The following CUX2 variants were observed in gnomAD, a reference collection of about 807,000 sequenced individuals.
The protein encoded by CUX2 is homeobox protein cut-like 2.
CUX2 carries 40 observed loss-of-function variants against 144.8 expected under a neutral mutation model. The observed-to-expected ratio is 0.28, with a 90% CI of 0.21 to 0.36. The LOEUF (loss-of-function observed/expected upper bound fraction) is 0.36. CUX2 is among the 10% of genes least tolerant of loss of function. The pLI is 1.00. For missense variants in CUX2, 1,615 were observed against 1,994.0 expected, an observed-to-expected ratio of 0.81 and a Z score of 3.62; for synonymous variants, 827 against 875.6, an observed-to-expected ratio of 0.94 and a Z score of 0.98.
At chr12:111,201,980 G>C (rs932789798) in intron 1 of CUX2, among the ~76,000 whole-genome samples, 2 of 152,156 alleles carry the variant, frequency 1.3e-5, no homozygotes, top group Non-Finnish European at 2.9e-5. Flanking sequence ...TAGGAACACA[G>C]ACCTCCCAGA....
chr12:111,142,870 C>G (rs139003005), intron 1 of CUX2, among the ~76,000 whole-genome samples: 167 of 152,170 alleles, frequency 1.1e-3, no homozygotes, highest in Middle Eastern at 0.01. Context: ...GCAGAGAGAG[C>G]CCAGGGTCAA....
In CUX2 at chr12:111,277,808, G is replaced by A. The variant is rs968285642; in HGVS notation, c.302-13610G>A. Among the ~76,000 whole-genome samples the A allele has an allele frequency of 5.9e-5, 9 of 152,212 alleles. No individual in the cohort carries two copies. The highest frequency in any genetic ancestry group is 1.2e-4 in the Non-Finnish European group (8 of 68,044). Reference sequence around the variant, plus strand: ...GGACTCTTAGTCACCTGTCACGGCTGTAACAAATACCATGAGCTTAGAGGC... The same window carrying A: ...GGACTCTTAGTCACCTGTCACGGCTATAACAAATACCATGAGCTTAGAGGC... On this transcript the variant is annotated intron_variant, in intron 4 of 21. Coordinates refer to ENST00000261726, the MANE Select transcript of CUX2 (RefSeq NM_015267.4). The surrounding 1 kb of genome is among the most constrained non-coding windows in gnomAD (Gnocchi z 5.0).
At chr12:111,220,348 G>A (rs1274859687) in intron 3 of CUX2, among the ~76,000 whole-genome samples, 2 of 152,046 alleles carry the variant, frequency 1.3e-5, no homozygotes, top group East Asian at 3.8e-4. Context: ...GGTGTTGAAG[G>A]CTTTTTATCT....
rs538663091 is a variant in CUX2, at chr12:111,055,422, G to A, written c.63+21182G>A. ...CTGGAAGTCGCAATGAGGCGGCCCCGGCCCTCGGAGGATATCCTCTTCAGC... is the reference window on the plus strand; with the variant it reads ...CTGGAAGTCGCAATGAGGCGGCCCCAGCCCTCGGAGGATATCCTCTTCAGC... On this transcript the variant is annotated intron_variant, in intron 1 of 21. Coordinates refer to ENST00000261726, the MANE Select transcript of CUX2 (RefSeq NM_015267.4). Among the ~76,000 whole-genome samples the A allele has an allele frequency of 1.6e-3, 241 of 152,356 alleles. 2 individuals carry two copies. The highest frequency in any genetic ancestry group is 5.7e-3 in the African/African-American group (237 of 41,582).
At chr12:111,154,330 T>C (rs962955696) in intron 1 of CUX2, among the ~76,000 whole-genome samples, 4 of 152,080 alleles carry the variant, frequency 2.6e-5, no homozygotes, top group African/African-American at 9.7e-5. Flanking sequence ...GGAGCGAGAC[T>C]TCAGATCCGA....
At chr12:111,043,233 T>A (rs1016319799) in intron 1 of CUX2, among the ~76,000 whole-genome samples, 2 of 152,098 alleles carry the variant, frequency 1.3e-5, no homozygotes, top group African/African-American at 4.8e-5. Flanking sequence ...GGGGAGTAGA[T>A]TCCGAGACAG....
intron 17 of CUX2, among the ~76,000 whole-genome samples, chr12:111,321,685 A>C (rs1383721822): frequency 6.6e-6 from 1 of 152,048 alleles, no homozygotes; most frequent in Non-Finnish European, 1.5e-5. Context: ...TCATCCCCCC[A>C]AAAATAAATA....
At chr12:111,264,572 C>T (rs1325687820) in intron 4 of CUX2, among the ~76,000 whole-genome samples, 1 of 152,052 alleles carries the variant, frequency 6.6e-6, no homozygotes, top group African/African-American at 2.4e-5. Context: ...AGTAGAAATC[C>T]CATCTCTACT....
rs548773530 is a variant in CUX2, at chr12:111,059,489, A to G, written c.63+25249A>G. Reference sequence around the variant, plus strand: ...TGATTCCTGGACCATTTTGTTTTCTATGAGGGCCCCATTGATGCCTCAGTT... The same window carrying G: ...TGATTCCTGGACCATTTTGTTTTCTGTGAGGGCCCCATTGATGCCTCAGTT... On this transcript the variant is annotated intron_variant, in intron 1 of 21. Coordinates refer to ENST00000261726, the MANE Select transcript of CUX2 (RefSeq NM_015267.4). This position sits in a 1 kb window ranked among gnomAD's most constrained non-coding sequence, Gnocchi z 5.3. 6.6e-6 allele frequency among the ~76,000 whole-genome samples: 1 copy of G among 152,258 alleles called. No homozygotes were observed. Among genetic ancestry groups the G allele is most frequent in the Non-Finnish European group, 1.5e-5 (1 of 68,006 alleles).
chr12:111,334,909 A>C (rs1888280441), intron 19 of CUX2, among the ~76,000 whole-genome samples, 199 bp downstream of exon 19: 1 of 152,212 alleles, frequency 6.6e-6, no homozygotes, highest in African/African-American at 2.4e-5. Flanking sequence ...TATCTTAAAA[A>C]AGCTTTTTAA....
At chr12:111,248,743 C>T (rs921838805) in intron 3 of CUX2, among the ~76,000 whole-genome samples, 14 of 152,174 alleles carry the variant, frequency 9.2e-5, no homozygotes, top group African/African-American at 2.7e-4. Flanking sequence ...TCCCAACAGA[C>T]GGCTGACACC....
At chr12:111,245,721 A>C (rs1883249879) in intron 3 of CUX2, among the ~76,000 whole-genome samples, 1 of 152,118 alleles carries the variant, frequency 6.6e-6, no homozygotes, top group Non-Finnish European at 1.5e-5. Context: ...TGTCAGGTGC[A>C]AGGGGACAGG....
intron 14 of CUX2, among the ~76,000 whole-genome samples, chr12:111,308,931 GTCTC>G (rs1555214542): frequency 6.6e-6 from 1 of 152,056 alleles, no homozygotes; most frequent in African/African-American, 2.4e-5. Flanking sequence ...TTGAGACCGA[GTCTC>G]TCTCTGTCGC....
chr12:111,052,373 T>G (rs1870313769), intron 1 of CUX2, among the ~76,000 whole-genome samples: 6 of 152,046 alleles, frequency 3.9e-5, no homozygotes, highest in African/African-American at 9.7e-5. Context: ...ATAGAGCAGC[T>G]TGTCCCCAGA....
chr12:111,274,193 G>A (rs1379899182), intron 4 of CUX2, among the ~76,000 whole-genome samples: 1 of 152,156 alleles, frequency 6.6e-6, no homozygotes, highest in Non-Finnish European at 1.5e-5. Flanking sequence ...GCCTCCCAAA[G>A]TGCTGAGATT....
chr12:111,105,701 A>T (rs1170603291), intron 1 of CUX2, among the ~76,000 whole-genome samples: 1 of 152,180 alleles, frequency 6.6e-6, no homozygotes, highest in African/African-American at 2.4e-5. Context: ...GCTAGGTGGT[A>T]ACCTTGTGCA....
chr12:111,325,298 G>GAA (rs113921328), intron 18 of CUX2, among the ~76,000 whole-genome samples: 1 of 86,458 alleles, frequency 1.2e-5, no homozygotes, highest in African/African-American at 5.7e-5. Flanking sequence ...CGTCTCAAAA[G>GAA]AAAAAAAAAA....
At chr12:111,065,525 G>A (rs1036254322) in intron 1 of CUX2, among the ~76,000 whole-genome samples, 1 of 152,182 alleles carries the variant, frequency 6.6e-6, no homozygotes, top group Admixed American at 6.5e-5. Context: ...TAGTAGAGAC[G>A]GGGTTTGACC....
chr12:111,193,032 T>C (rs1879994709), intron 1 of CUX2, among the ~76,000 whole-genome samples: 1 of 152,190 alleles, frequency 6.6e-6, no homozygotes, highest in African/African-American at 2.4e-5. Context: ...ACACAAAAGT[T>C]TTGAGAGCCA....
Sources: gnomAD v4.1 joint callset for allele counts (sites outside exome capture counted in the v4.1 genomes callset) on GRCh38, gnomAD v4.1.1 for gene constraint, Gnocchi (gnomAD v3.1) non-coding constraint, MANE v1.5 for transcripts, NCBI Gene and HGNC (gene_info 2026-07-23, HGNC 2026-07-21) for gene names.